Variants in UNC13A observed in about 807,000 individuals in gnomAD.
UNC13A encodes the protein protein unc-13 homolog A.
UNC13A carries 61 observed loss-of-function variants against 219.7 expected under a neutral mutation model. That is an observed-to-expected ratio of 0.28 (90% confidence interval 0.23 to 0.34). The LOEUF (loss-of-function observed/expected upper bound fraction) is 0.34, where lower values mean the gene tolerates loss of function less well. Ranked by LOEUF, UNC13A falls within the 10% of genes least tolerant of loss-of-function variation. UNC13A has a pLI of 1.00. For missense variants in UNC13A, 1,476 were observed against 2,270.3 expected, an observed-to-expected ratio of 0.65 and a Z score of 7.11; for synonymous variants, 920 against 884.6, an observed-to-expected ratio of 1.04 and a Z score of -0.71.
Position 17,611,854 on chromosome 19 carries a change from G to A in UNC13A, c.4560C>T (p.Gly1520=), listed in dbSNP as rs141334897. 6.1e-4 allele frequency: 980 copies of A among 1,613,788 alleles called. 3 individuals are homozygous for A. The highest frequency in any genetic ancestry group is 1.3e-3 in the South Asian group (115 of 91,062). ...KTFVQTQSAQ[G]LGVEDPVGEV... The stretch of plus-strand genomic sequence containing the variant: ...CACCCACAGGGTCTTCTACACCCAA[G>A]CCTGGGCAGGGCAGGGGAGGATGGT... Residue 1520 remains glycine (G), a splice_region_variant and synonymous_variant, in exon 42 of 44, where the codon GGC becomes GGT. Transcript: ENST00000519716.
Position 17,649,285 on chromosome 19 carries a change from C to A in UNC13A, c.1524+54G>T. Reference sequence around the variant, plus strand: ...GAATTGGGGGCCTGTTAGAAGATCCCAGTGGGGGAGTTTGGGGAGAAGATC... The same window carrying A: ...GAATTGGGGGCCTGTTAGAAGATCCAAGTGGGGGAGTTTGGGGAGAAGATC... On this transcript the variant is annotated intron_variant, in intron 14 of 43. Coordinates refer to ENST00000519716, the MANE Select transcript of UNC13A (RefSeq NM_001080421.3). This position sits in a 1 kb window ranked among gnomAD's most constrained non-coding sequence, Gnocchi z 4.4. 1 of 1,549,476 alleles carries A rather than the reference C, an allele frequency of 6.5e-7. No individual in the cohort carries two copies. Among genetic ancestry groups the A allele is most frequent in the East Asian group, 2.4e-5 (1 of 41,772 alleles).
At chr19:17,631,073 C>CTCCTTCCTTCCTTCCT (rs145013574) in intron 28 of UNC13A, among the ~76,000 whole-genome samples, 4 of 112,784 alleles carry the variant, frequency 3.5e-5, no homozygotes, top group East Asian at 4.5e-4. Flanking sequence ...CCCTCCCTCC[C>CTCCTTCCTTCCTTCCT]TCCTTCCTTC....
chr19:17,673,988 G>A (rs2079846882), intron 3 of UNC13A, among the ~76,000 whole-genome samples: 1 of 152,286 alleles, frequency 6.6e-6, no homozygotes, highest in Non-Finnish European at 1.5e-5. Context: ...TCCAGCCTGG[G>A]CAACAGAGTG....
intron 8 of UNC13A, among the ~76,000 whole-genome samples, chr19:17,662,144 C>G (rs12971384): frequency 0.069 from 10,426 of 151,482 alleles, 580 homozygotes; most frequent in African/African-American, 0.15. Context: ...TTGGGAGGCT[C>G]AGGTACGAGA....
intron 19 of UNC13A, 149 bp downstream of exon 19, chr19:17,645,525 T>C: frequency 1.8e-6 from 2 of 1,142,010 alleles, no homozygotes; most frequent in Non-Finnish European, 2.4e-6. Context: ...CCCATCAAAC[T>C]GGGCTCCTAG....
At chr19:17,682,888 A>T (rs977085040) in intron 1 of UNC13A, among the ~76,000 whole-genome samples, 8 of 151,856 alleles carry the variant, frequency 5.3e-5, no homozygotes, top group Non-Finnish European at 1.0e-4. Flanking sequence ...GCATGGTGAA[A>T]CCCCATCTCC....
At chr19:17,641,660 T>C in intron 20 of UNC13A, 104 bp from the exon 21 acceptor site, 1 of 1,159,690 alleles carries the variant, frequency 8.6e-7, no homozygotes, top group Non-Finnish European at 1.2e-6. Context: ...GCCTGTTTAT[T>C]CATTAATTCA....
intron 1 of UNC13A, among the ~76,000 whole-genome samples, chr19:17,681,133 G>A (rs2080010258): frequency 7.0e-6 from 1 of 143,166 alleles, no homozygotes; most frequent in East Asian, 2.0e-4. Flanking sequence ...TGGCTTCAAG[G>A]CTCAAGCCAT....
At chr19:17,648,823 T>C (rs2079292266) in intron 15 of UNC13A, 89 bp downstream of exon 15, 1 of 1,516,960 alleles carries the variant, frequency 6.6e-7, no homozygotes, top group East Asian at 2.4e-5. Context: ...ACCCTTCCTC[T>C]TCCCGGGGAC....
intron 16 of UNC13A, 101 bp downstream of exon 16, chr19:17,648,330 G>T (rs527691979): frequency 2.4e-4 from 90 of 378,496 alleles, no homozygotes; most frequent in African/African-American, 1.3e-3. Context: ...CCCGCCCCAT[G>T]GTGCCCCACC....
At chr19:17,661,526 T>G (rs192953591) in intron 8 of UNC13A, among the ~76,000 whole-genome samples, 102 of 151,860 alleles carry the variant, frequency 6.7e-4, no homozygotes, top group African/African-American at 2.4e-3. Flanking sequence ...AAACCCCATC[T>G]CTACTAAAAA....
intron 4 of UNC13A, 91 bp downstream of exon 4, chr19:17,672,287 G>C (rs1351678345): frequency 1.0e-6 from 1 of 991,466 alleles, no homozygotes; most frequent in African/African-American, 1.6e-5. Context: ...TCAGGGGATA[G>C]GAGATAAATG....
At chr19:17,635,137 A>G (rs576197465) in intron 26 of UNC13A, among the ~76,000 whole-genome samples, 1 of 152,160 alleles carries the variant, frequency 6.6e-6, no homozygotes, top group African/African-American at 2.4e-5. Context: ...AAGTGCTGGG[A>G]TTACAGGGGT....
intron 1 of UNC13A, among the ~76,000 whole-genome samples, chr19:17,678,527 A>G (rs555880062): frequency 6.6e-6 from 1 of 152,012 alleles, no homozygotes; most frequent in South Asian, 2.1e-4. Flanking sequence ...ACCCTGGGCA[A>G]GTGAACCCCT....
At chr19:17,641,272 AC>A (rs1319450055) in intron 21 of UNC13A, 120 bp downstream of exon 21, 1 of 1,279,336 alleles carries the variant, frequency 7.8e-7, no homozygotes, top group East Asian at 2.4e-5. Context: ...TACGGAACCC[AC>A]CACCACCACG....
chr19:17,612,161 A>T (rs1443037426), intron 41 of UNC13A: 5 of 249,732 alleles, frequency 2.0e-5, no homozygotes. Context: ...TTCATGTTAC[A>T]TTACATCTTG....
rs1294903870 is a variant in UNC13A at position 17,630,348 on chromosome 19, C to A, written c.3526-60G>T. 3.2e-6 allele frequency: 5 copies of A among 1,543,174 alleles called. No homozygotes were observed. In the African/African-American group the frequency reaches 5.5e-5, roughly 17 times the overall value. On this transcript the variant is annotated intron_variant, in intron 29 of 43. Transcript: ENST00000519716. ...ATCAGCACCAGAGAATCCCTAGAGCCCAACTCTCCCACTCTCCACGGGGAG... is the reference window on the plus strand; with the variant it reads ...ATCAGCACCAGAGAATCCCTAGAGCACAACTCTCCCACTCTCCACGGGGAG...
intron 3 of UNC13A, among the ~76,000 whole-genome samples, chr19:17,673,461 G>A (rs944045493): frequency 2.0e-5 from 3 of 151,864 alleles, no homozygotes; most frequent in African/African-American, 7.3e-5. Context: ...GGGAGGCCGA[G>A]GCGGGTGGAT....
At chr19:17,650,939 T>A (rs1322919560) in intron 12 of UNC13A, among the ~76,000 whole-genome samples, 1 of 107,236 alleles carries the variant, frequency 9.3e-6, no homozygotes, top group Non-Finnish European at 1.8e-5. Context: ...GCAAATTTTT[T>A]TTTTTTTTTT....
Sources: gnomAD v4.1 joint callset for allele counts (sites outside exome capture counted in the v4.1 genomes callset) on GRCh38, gnomAD v4.1.1 for gene constraint, Gnocchi (gnomAD v3.1) non-coding constraint, MANE v1.5 for transcripts, NCBI Gene and HGNC (gene_info 2026-07-23, HGNC 2026-07-21) for gene names.